ACADSB: variants seen among roughly 807,000 people sequenced by gnomAD.
ACADSB encodes the protein acyl-CoA dehydrogenase short/branched chain, also known as short/branched chain specific acyl-CoA dehydrogenase, mitochondrial.
In ACADSB, 40 loss-of-function variants were observed where a neutral mutation model predicts 54.1. The ratio of observed to expected loss-of-function variants is 0.74; its 90% CI spans 0.57 to 0.96. The LOEUF is 0.96. Among genes scored for constraint, ACADSB ranks in the 40% least tolerant of loss-of-function variants. The pLI is 0.00. For synonymous variants in ACADSB, 182 were observed against 182.8 expected (o/e 1.00, Z 0.03); for missense variants, 530 against 510.4 (o/e 1.04, Z -0.37).
At chr10:123,046,857 C>T (rs1850566655) in intron 7 of ACADSB, among the ~76,000 whole-genome samples, 1 of 152,204 alleles carries the variant, frequency 6.6e-6, no homozygotes, top group Non-Finnish European at 1.5e-5. Context: ...AGCAAAACTT[C>T]TATGGCTCAT....
chr10:123,016,470 T>A (rs980434541), intron 1 of ACADSB, among the ~76,000 whole-genome samples: 1 of 152,272 alleles, frequency 6.6e-6, no homozygotes, highest in Non-Finnish European at 1.5e-5. Flanking sequence ...AAGACGCAGC[T>A]ACTGTTACAG....
chr10:123,057,149 T>A lies in ACADSB; in HGVS notation c.*3384T>A, dbSNP rs1485682436. 1 of 152,260 alleles carries A rather than the reference T, an allele frequency of 6.6e-6. No homozygotes were observed. The highest frequency in any genetic ancestry group is 1.5e-5 in the Non-Finnish European group (1 of 68,036). The allele number at this position is 152,260 out of a possible 1,614,324, so 9.4% of individuals were successfully genotyped here. On this transcript the variant is annotated 3_prime_UTR_variant, in exon 11 of 11. Transcript: ENST00000358776. ...CAGAAGCCAACATTAGTAAAAGGAA[T>A]CCCAACTTCTTCCCATAGAATTAGA...
chr10:123,023,617 G>A lies in ACADSB; in HGVS notation c.43-10739G>A, dbSNP rs181399662. Reference sequence around the variant, plus strand: ...ATGAAGGCTGTGAACCAAAACTGCGGGTAAAGCAGTTTCCATGGCAGTTTG... The same window carrying A: ...ATGAAGGCTGTGAACCAAAACTGCGAGTAAAGCAGTTTCCATGGCAGTTTG... On this transcript the variant is annotated intron_variant, in intron 1 of 10. Coordinates refer to ENST00000358776, the MANE Select transcript of ACADSB (RefSeq NM_001609.4). 3.5e-3 allele frequency among the ~76,000 whole-genome samples: 528 copies of A among 152,240 alleles called. 3 individuals are homozygous for A. The highest frequency in any genetic ancestry group is 0.011 in the African/African-American group (472 of 41,536).
At chr10:123,039,514 G>T (rs1351570733) in intron 3 of ACADSB, among the ~76,000 whole-genome samples, 1 of 152,208 alleles carries the variant, frequency 6.6e-6, no homozygotes, top group Non-Finnish European at 1.5e-5. Flanking sequence ...GGCACTGGTC[G>T]TGTTTACCAG....
At chr10:123,051,861 C>T (rs571325274) in intron 9 of ACADSB, among the ~76,000 whole-genome samples, 71 of 152,328 alleles carry the variant, frequency 4.7e-4, no homozygotes, top group African/African-American at 1.5e-3. Flanking sequence ...CCAACTTCTG[C>T]TTCACCATCA....
At position 123,041,119 on chromosome 10, in the gene ACADSB, G is replaced by A. The variant is rs1192265833; in HGVS notation, c.511-90G>A. The A allele has an allele frequency of 4.4e-6, 6 of 1,378,446 alleles. No homozygotes were observed. The East Asian group carries it at 9.2e-5, about 21-fold the overall frequency. The allele number at this position is 1,378,446 out of a possible 1,614,324, so 85.4% of individuals were successfully genotyped here. A position where few individuals can be genotyped will look rare whatever the true frequency, so the allele number is the denominator to read the frequency against. ...TTTTTAAAAAAGCAGCTAAAGATTT[G>A]ATTTACAAATGTCCATTTTTCCATA... On this transcript the variant is annotated intron_variant, in intron 4 of 10. Transcript: ENST00000358776.
At chr10:123,039,422 AT>A (rs2133479530) in intron 3 of ACADSB, among the ~76,000 whole-genome samples, 2 of 152,334 alleles carry the variant, frequency 1.3e-5, no homozygotes, top group African/African-American at 4.8e-5. Flanking sequence ...TGAATTACAC[AT>A]GCACACATTC....
rs960862780 is a variant in ACADSB, at chr10:123,054,060, T to C, written c.*295T>C. The C allele has an allele frequency of 1.2e-5, 5 of 413,696 alleles. No homozygotes were observed. Among genetic ancestry groups the C allele is most frequent in the Admixed American group, 3.7e-5 (1 of 27,204 alleles). 25.6% of individuals were successfully genotyped at this position (413,696 alleles called of 1,614,324 possible). A position where few individuals can be genotyped will look rare whatever the true frequency, so the allele number is the denominator to read the frequency against. On this transcript the variant is annotated 3_prime_UTR_variant, in exon 11 of 11. Transcript: ENST00000358776. Reference sequence around the variant, plus strand: ...TATATATATTTTTACTCTGTCTTACTCTGTCACCCAGGCTAGAGTGCAGTG... The same window carrying C: ...TATATATATTTTTACTCTGTCTTACCCTGTCACCCAGGCTAGAGTGCAGTG...
intron 1 of ACADSB, among the ~76,000 whole-genome samples, chr10:123,026,534 A>G (rs1404849483): frequency 2.0e-5 from 3 of 152,132 alleles, no homozygotes; most frequent in Non-Finnish European, 2.9e-5. Context: ...TACCTTCCCC[A>G]GCCTACCCTA....
Position 123,026,868 on chromosome 10 carries a change from A to T in ACADSB, c.43-7488A>T, listed in dbSNP as rs371493114. 5.0e-4 allele frequency among the ~76,000 whole-genome samples: 74 copies of T among 148,996 alleles called. 1 individual carries two copies. In the South Asian group the frequency reaches 9.1e-3, roughly 18 times the overall value. Reference sequence around the variant, plus strand: ...AGAAGGATACGTAAGAAACTAATTTAAAAAAAAAAGAAACAGGTTGCCTAT... The same window carrying T: ...AGAAGGATACGTAAGAAACTAATTTTAAAAAAAAAGAAACAGGTTGCCTAT... On this transcript the variant is annotated intron_variant, in intron 1 of 10. Transcript: ENST00000358776.
intron 6 of ACADSB, 105 bp from the exon 7 acceptor site, chr10:123,044,288 G>A: frequency 1.0e-6 from 1 of 994,888 alleles, no homozygotes; most frequent in Admixed American, 1.8e-5. Context: ...AGTTCTGTGA[G>A]AGGGCTAGCA....
At chr10:123,032,808 T>C (rs916585263) in intron 1 of ACADSB, among the ~76,000 whole-genome samples, 1 of 151,932 alleles carries the variant, frequency 6.6e-6, no homozygotes, top group Non-Finnish European at 1.5e-5. Flanking sequence ...AGGCAGGCCT[T>C]GAACTCCCGA....
intron 1 of ACADSB, among the ~76,000 whole-genome samples, chr10:123,031,804 T>C (rs983586829): frequency 6.6e-6 from 1 of 152,182 alleles, no homozygotes; most frequent in Non-Finnish European, 1.5e-5. Flanking sequence ...TAAGTACAAT[T>C]GTCTCTGTTA....
chr10:123,053,651 A>G lies in ACADSB; in HGVS notation c.1229-44A>G, dbSNP rs201053570. The G allele has an allele frequency of 3.3e-3, 5,045 of 1,535,288 alleles. 13 individuals are homozygous for G. The highest frequency in any genetic ancestry group is 3.8e-3 in the Non-Finnish European group (4,211 of 1,108,422). On this transcript the variant is annotated intron_variant, in intron 10 of 10. Coordinates refer to ENST00000358776, the MANE Select transcript of ACADSB (RefSeq NM_001609.4). Reference sequence around the variant, plus strand: ...TATAGAGCTATTTCTTGTCTTAACCATGCGCCAACTCCTCATTGTTCCTTC... The same window carrying G: ...TATAGAGCTATTTCTTGTCTTAACCGTGCGCCAACTCCTCATTGTTCCTTC...
In ACADSB at chr10:123,028,866, A is replaced by G. The variant is rs183652695; in HGVS notation, c.43-5490A>G. Among the ~76,000 whole-genome samples, 17 of 152,086 alleles carry G rather than the reference A, an allele frequency of 1.1e-4. 2 individuals carry two copies. Among genetic ancestry groups the G allele is most frequent in the African/African-American group, 4.1e-4 (17 of 41,452 alleles). On this transcript the variant is annotated intron_variant, in intron 1 of 10. Transcript: ENST00000358776. The stretch of plus-strand genomic sequence containing the variant: ...GGCAACATAGCAAGACCCCATCTCT[A>G]TTTCTAAAACAGAAAGAAAAAACTA...
In ACADSB at chr10:123,037,760, T is replaced by C. The variant is rs1850418923; in HGVS notation, c.216T>C (p.Ala72=). 1 of 1,609,504 alleles carries C rather than the reference T, an allele frequency of 6.2e-7. No individual in the cohort carries two copies. Reference sequence around the variant, plus strand: ...TTTTTCCTACAGTTAAAAAATTTGCTCAGGAACAAATTGCACCTTTGGTTT... The same window carrying C: ...TTTTTCCTACAGTTAAAAAATTTGCCCAGGAACAAATTGCACCTTTGGTTT... ...MMIKSSVKKF[A]QEQIAPLVST... Residue 72 remains alanine, a synonymous_variant, in exon 3 of 11, where the codon GCT becomes GCC. Coordinates refer to ENST00000358776, the MANE Select transcript of ACADSB (RefSeq NM_001609.4).
chr10:123,036,344 C>G (rs1850398164), intron 2 of ACADSB, among the ~76,000 whole-genome samples: 1 of 152,248 alleles, frequency 6.6e-6, no homozygotes, highest in South Asian at 2.1e-4. Context: ...ACCTCGGCCT[C>G]TCAAAGTGTT....
intron 3 of ACADSB, among the ~76,000 whole-genome samples, chr10:123,040,074 A>G (rs1045512855): frequency 3.9e-5 from 6 of 152,064 alleles, no homozygotes; most frequent in Non-Finnish European, 5.9e-5. Context: ...GGCTGGGTAC[A>G]GTCGCTCACG....
chr10:123,023,134 C>T (rs1009773211), intron 1 of ACADSB, among the ~76,000 whole-genome samples: 9 of 152,172 alleles, frequency 5.9e-5, no homozygotes, highest in Admixed American at 6.5e-5. Flanking sequence ...AAATTACTCT[C>T]ATTTGTCAAA....
Sources: gnomAD v4.1 joint callset for allele counts (sites outside exome capture counted in the v4.1 genomes callset) on GRCh38, gnomAD v4.1.1 for gene constraint, MANE v1.5 for transcripts, NCBI Gene and HGNC (gene_info 2026-07-23, HGNC 2026-07-21) for gene names.